Variants in GRAMD1C observed in about 807,000 individuals in gnomAD.
GRAMD1C encodes the protein protein Aster-C.
GRAMD1C carries 89 observed loss-of-function variants against 97.8 expected under a neutral mutation model. That is an observed-to-expected ratio of 0.91 (90% CI 0.77 to 1.09). The LOEUF is 1.09. GRAMD1C is among the 50% of genes least tolerant of loss of function. GRAMD1C has a pLI of 0.00. For synonymous variants in GRAMD1C, 256 were observed against 267.0 expected (o/e 0.96, Z 0.40); for missense variants, 740 against 766.4 (o/e 0.97, Z 0.41).
chr3:113,883,811 G>A (rs917244855), intron 6 of GRAMD1C, among the ~76,000 whole-genome samples: 7 of 151,972 alleles, frequency 4.6e-5, no homozygotes, highest in Admixed American at 1.3e-4. Flanking sequence ...AAATATACAA[G>A]CAAAAGTTGG....
intron 17 of GRAMD1C, among the ~76,000 whole-genome samples, chr3:113,940,702 T>G (rs2029227): frequency 0.34 from 51,682 of 151,944 alleles, 8,963 homozygotes; most frequent in Middle Eastern, 0.42. Context: ...ACAGGAATGG[T>G]AGCTATTACA....
At chr3:113,885,336 C>T in intron 6 of GRAMD1C, 5 of 1,590,924 alleles carry the variant, frequency 3.1e-6, no homozygotes, top group Non-Finnish European at 4.3e-6. Flanking sequence ...TGCGCACGTT[C>T]GTGGCCTTCG....
intron 17 of GRAMD1C, among the ~76,000 whole-genome samples, chr3:113,944,834 T>C (rs1327672367): frequency 6.6e-6 from 1 of 152,236 alleles, no homozygotes; most frequent in Non-Finnish European, 1.5e-5. Flanking sequence ...ACATAATTCC[T>C]GCTCTTGAGT....
intron 3 of GRAMD1C, among the ~76,000 whole-genome samples, chr3:113,870,953 CAAAT>C (rs139044179): frequency 0.048 from 6,179 of 129,436 alleles, 494 homozygotes; most frequent in African/African-American, 0.17. Flanking sequence ...CTTGGCTCAA[CAAAT>C]AAATAAATAA....
At chr3:113,867,417 C>T (rs1181997357) in intron 2 of GRAMD1C, among the ~76,000 whole-genome samples, 3 of 152,068 alleles carry the variant, frequency 2.0e-5, no homozygotes, top group Non-Finnish European at 4.4e-5. Context: ...CTCAGCCCCA[C>T]GAGTAGCTGG....
intron 11 of GRAMD1C, among the ~76,000 whole-genome samples, chr3:113,932,426 T>A (rs901752900): frequency 6.6e-6 from 1 of 152,100 alleles, no homozygotes; most frequent in Admixed American, 6.5e-5. Context: ...GTTTGGCCAA[T>A]GACCATTTAA....
At chr3:113,930,908 T>G (rs1358373696) in intron 11 of GRAMD1C, 76 bp downstream of exon 11, 2 of 720,406 alleles carry the variant, frequency 2.8e-6, no homozygotes, top group Non-Finnish European at 4.8e-6. Context: ...GTTCACCAAT[T>G]TACAAGACAG....
At chr3:113,929,264 G>A (rs531059327) in intron 10 of GRAMD1C, among the ~76,000 whole-genome samples, 20 of 152,166 alleles carry the variant, frequency 1.3e-4, no homozygotes, top group South Asian at 1.0e-3. Context: ...GTCCTTTTGC[G>A]TACTAGCCAT....
At chr3:113,858,734 T>C (rs1384210591) in intron 2 of GRAMD1C, among the ~76,000 whole-genome samples, 2 of 152,034 alleles carry the variant, frequency 1.3e-5, no homozygotes, top group African/African-American at 4.8e-5. Context: ...GGATTTTGTA[T>C]TTTTAGTACA....
chr3:113,927,301 G>A (rs1389659709), intron 10 of GRAMD1C, among the ~76,000 whole-genome samples: 1 of 152,100 alleles, frequency 6.6e-6, no homozygotes, highest in African/African-American at 2.4e-5. Context: ...GGGCCTTGGA[G>A]GAGCCCCCTT....
Position 113,940,319 on chromosome 3 carries a change from C to T in GRAMD1C, c.1882C>T (p.Arg628Ter), listed in dbSNP as rs551072622. The T allele has an allele frequency of 1.3e-5, 20 of 1,596,674 alleles. No individual in the cohort carries two copies. In the East Asian group the frequency reaches 1.6e-4, roughly 12 times the overall value. The change falls in exon 17 of 18, where the codon CGA becomes TGA. Residue 628 changes from arginine to a stop codon, truncating the protein, a stop_gained. Coordinates refer to ENST00000358160, the MANE Select transcript of GRAMD1C (RefSeq NM_017577.5). LOFTEE classifies it high-confidence loss of function. ...GGCCCATCGTTTAAAGGGAGTGCTC[C>T]GAGACTCCATAGTGATGCTTGAACA... is the stretch of plus-strand genomic sequence containing the variant. The part of the protein sequence containing the change: ...DQAHRLKGVL[R>*]DSIVMLEQLK...
intron 2 of GRAMD1C, among the ~76,000 whole-genome samples, chr3:113,849,337 C>T (rs988300787): frequency 6.7e-6 from 1 of 148,840 alleles, no homozygotes; most frequent in African/African-American, 2.5e-5. Flanking sequence ...GGGTGTTTCT[C>T]GCAGAGGGGG....
chr3:113,896,898 G>A (rs1166976460), intron 6 of GRAMD1C, among the ~76,000 whole-genome samples: 2 of 152,258 alleles, frequency 1.3e-5, no homozygotes, highest in African/African-American at 4.8e-5. Context: ...GAAATAAATA[G>A]GAATTAGTAG....
intron 8 of GRAMD1C, among the ~76,000 whole-genome samples, chr3:113,906,252 A>T (rs1936368895): frequency 6.6e-6 from 1 of 152,196 alleles, no homozygotes; most frequent in African/African-American, 2.4e-5. Flanking sequence ...AAACAGCCTC[A>T]GCCAGGTCCT....
intron 9 of GRAMD1C, among the ~76,000 whole-genome samples, chr3:113,911,579 A>C (rs996016607): frequency 1.3e-5 from 2 of 151,268 alleles, no homozygotes; most frequent in Non-Finnish European, 1.5e-5. Context: ...TAACTTAATT[A>C]TTTCTTTCCT....
At chr3:113,874,607 A>T (rs1934957111) in intron 3 of GRAMD1C, among the ~76,000 whole-genome samples, 1 of 152,162 alleles carries the variant, frequency 6.6e-6, no homozygotes, top group African/African-American at 2.4e-5. Flanking sequence ...GGCCTCCCAA[A>T]GTGTTGAGAT....
At position 113,883,040 on chromosome 3, in the gene GRAMD1C, T is replaced by TA. The variant is rs578080182; in HGVS notation, c.540+214dup. Among the ~76,000 whole-genome samples the TA allele has an allele frequency of 7.3e-5, 11 of 151,632 alleles. No individual in the cohort carries two copies. In the East Asian group the frequency reaches 1.6e-3, roughly 21 times the overall value. ...TAATCACCAAGAAAATAAATAAAAA[T>TA]AAAAAATAAGCAGCAAAGGAATTAA... is the stretch of plus-strand genomic sequence containing the variant. On this transcript the variant is annotated intron_variant, in intron 6 of 17. Transcript: ENST00000358160.
intron 2 of GRAMD1C, among the ~76,000 whole-genome samples, chr3:113,847,278 A>C (rs1163876222): frequency 6.6e-6 from 1 of 152,246 alleles, no homozygotes; most frequent in Non-Finnish European, 1.5e-5. Context: ...TACAAGAGAC[A>C]TGAAAGGAAA....
chr3:113,837,212 C>A (rs937479063), upstream of GRAMD1C, among the ~76,000 whole-genome samples: 1 of 151,576 alleles, frequency 6.6e-6, no homozygotes, highest in Non-Finnish European at 1.5e-5. Context: ...ACACAAGCAA[C>A]CCTCCCACCT....
Sources: allele counts gnomAD v4.1 joint callset (sites outside exome capture counted in the v4.1 genomes callset), GRCh38; gene constraint gnomAD v4.1.1; transcripts MANE v1.5; gene names NCBI Gene and HGNC (gene_info 2026-07-23, HGNC 2026-07-21).